The following GRK5 variants were observed in gnomAD, a reference collection of about 807,000 sequenced individuals.
The protein encoded by GRK5 is g protein-coupled receptor kinase GRK5.
GRK5 carries 40 observed loss-of-function variants against 78.4 expected under a neutral mutation model. That is an observed-to-expected ratio of 0.51 (90% CI 0.40 to 0.66). The LOEUF (loss-of-function observed/expected upper bound fraction) is 0.66, where lower values mean the gene tolerates loss of function less well. Among genes scored for constraint, GRK5 ranks in the 30% least tolerant of loss-of-function variants. The probability of loss-of-function intolerance (pLI) is 0.00; values close to 1 mark genes in which losing one functional copy is unlikely to be tolerated. For missense variants in GRK5, 598 were observed against 759.9 expected (o/e 0.79, Z 2.50); for synonymous variants, 289 against 296.8 (o/e 0.97, Z 0.27).
chr10:119,332,281 A>G (rs1850794555), intron 2 of GRK5, among the ~76,000 whole-genome samples: 1 of 151,726 alleles, frequency 6.6e-6, no homozygotes, highest in Admixed American at 6.6e-5. Flanking sequence ...TAATTTTTGT[A>G]TTTTTTGTAG....
chr10:119,288,012 G>A (rs548089899), intron 1 of GRK5, among the ~76,000 whole-genome samples: 8 of 152,216 alleles, frequency 5.3e-5, no homozygotes, highest in African/African-American at 1.4e-4. Context: ...TGGACTGGAC[G>A]GTCCTCACAG....
intron 1 of GRK5, among the ~76,000 whole-genome samples, chr10:119,325,590 G>A (rs1017528219): frequency 6.6e-6 from 1 of 152,198 alleles, no homozygotes; most frequent in African/African-American, 2.4e-5. Flanking sequence ...CACTGTAAGG[G>A]TGGAGAGTGG....
At position 119,394,353 on chromosome 10, in the gene GRK5, G is replaced by C. The variant is rs199740421; in HGVS notation, c.262-2342G>C. 4.7e-4 allele frequency among the ~76,000 whole-genome samples: 27 copies of C among 57,958 alleles called. 1 individual carries two copies. Among genetic ancestry groups the C allele is most frequent in the South Asian group, 6.0e-4 (1 of 1,656 alleles). 38.0% of individuals were successfully genotyped at this position (57,958 alleles called of 152,430 possible). A position where few individuals can be genotyped will look rare whatever the true frequency, so the allele number is the denominator to read the frequency against. On this transcript the variant is annotated intron_variant, in intron 3 of 15. Coordinates refer to ENST00000392870, the MANE Select transcript of GRK5 (RefSeq NM_005308.3). ...CTGTGTGTCTGTGTGTGGGCATGTG[G>C]GTGTGTGGGTGTGTGTGGGTGTCGG...
chr10:119,388,953 G>A (rs1851842958), intron 3 of GRK5, among the ~76,000 whole-genome samples: 1 of 152,202 alleles, frequency 6.6e-6, no homozygotes, highest in Admixed American at 6.5e-5. Flanking sequence ...CAATCCAAGA[G>A]AACATGGTAG....
chr10:119,364,595 C>A (rs1851415549), intron 2 of GRK5, among the ~76,000 whole-genome samples: 1 of 152,130 alleles, frequency 6.6e-6, no homozygotes, highest in Non-Finnish European at 1.5e-5. Flanking sequence ...CCCAGCTGCC[C>A]ACTTTAGCTG....
rs114462569 is a variant in GRK5 at position 119,262,987 on chromosome 10, C to T, written c.52+55018C>T. ...CAAAGTTGTTGGGAAATATTTCTTACTATATCTCTTGGAGATTCACAATGT... is the reference window on the plus strand; with the variant it reads ...CAAAGTTGTTGGGAAATATTTCTTATTATATCTCTTGGAGATTCACAATGT... On this transcript the variant is annotated intron_variant, in intron 1 of 15. Transcript: ENST00000392870. 3.9e-3 allele frequency among the ~76,000 whole-genome samples: 594 copies of T among 152,254 alleles called. 4 individuals carry two copies. Among genetic ancestry groups the T allele is most frequent in the African/African-American group, 0.014 (573 of 41,552 alleles).
At position 119,207,882 on chromosome 10, in the gene GRK5, C is replaced by G; in HGVS notation, c.-36C>G. ...GGCAGCACCCCAGGCGCTGACAGCC[C>G]CGCCGGCCGGCTCCGTTGCTGACCG... On this transcript the variant is annotated 5_prime_UTR_variant, in exon 1 of 16. Coordinates refer to ENST00000392870, the MANE Select transcript of GRK5 (RefSeq NM_005308.3). 3 of 1,576,874 alleles carry G rather than the reference C, an allele frequency of 1.9e-6. No individual in the cohort carries two copies.
intron 12 of GRK5, 149 bp downstream of exon 12, chr10:119,443,901 A>G (rs992229886): frequency 2.9e-6 from 2 of 694,158 alleles, no homozygotes; most frequent in Non-Finnish European, 2.4e-6. Context: ...GCTAGAGTTG[A>G]GGGCACTCCT....
intron 1 of GRK5, among the ~76,000 whole-genome samples, chr10:119,313,080 GTGGTGGTGA>G (rs1456748830): frequency 1.3e-4 from 20 of 149,128 alleles, no homozygotes; most frequent in South Asian, 4.3e-4. Flanking sequence ...GATGGTGGTG[GTGGTGGTGA>G]TGGTGGTGAT....
At chr10:119,354,084 C>G (rs919659511) in intron 2 of GRK5, among the ~76,000 whole-genome samples, 2 of 151,624 alleles carry the variant, frequency 1.3e-5, no homozygotes, top group Non-Finnish European at 2.9e-5. Flanking sequence ...GTTCTGAATT[C>G]TGAAATACAT....
intron 3 of GRK5, among the ~76,000 whole-genome samples, chr10:119,385,103 C>T (rs548992127): frequency 5.9e-5 from 9 of 151,600 alleles, no homozygotes; most frequent in South Asian, 4.2e-4. Context: ...CACGAGTGTC[C>T]GCAGTTGGAG....
intron 1 of GRK5, among the ~76,000 whole-genome samples, chr10:119,301,095 C>T (rs1345121952): frequency 6.6e-6 from 1 of 151,634 alleles, no homozygotes; most frequent in South Asian, 2.1e-4. Context: ...TAGAGGGAGA[C>T]TCAGTCCCAA....
intron 15 of GRK5, among the ~76,000 whole-genome samples, chr10:119,454,077 C>T (rs1222265886): frequency 2.0e-5 from 3 of 152,344 alleles, no homozygotes; most frequent in Middle Eastern, 3.4e-3. Context: ...CTGCTCCTTC[C>T]TCCTCTCCAC....
intron 9 of GRK5, 83 bp downstream of exon 9, chr10:119,436,924 C>A: frequency 7.6e-7 from 1 of 1,307,578 alleles, no homozygotes; most frequent in Non-Finnish European, 1.0e-6. Context: ...CAGGTGGTTG[C>A]CATCGCTCTG....
intron 2 of GRK5, among the ~76,000 whole-genome samples, chr10:119,346,753 C>T (rs1330291776): frequency 4.6e-5 from 7 of 152,102 alleles, no homozygotes; most frequent in South Asian, 4.1e-4. Context: ...CCCTGCTCAC[C>T]GGGTCCCCCA....
intron 1 of GRK5, among the ~76,000 whole-genome samples, chr10:119,251,036 A>G (rs1849190479): frequency 6.6e-6 from 1 of 152,120 alleles, no homozygotes; most frequent in Non-Finnish European, 1.5e-5. Context: ...CTTGTGCATG[A>G]GGGGAAAATG....
rs1337076106 is a variant in GRK5, at chr10:119,423,412, C to A, written c.440+146C>A. ...AGTTATACCAACTGTTTGTATACTT[C>A]CCACGAAGAGAAAAAGATATCAAGG... On this transcript the variant is annotated intron_variant, in intron 5 of 15. Transcript: ENST00000392870. 4 of 612,336 alleles carry A rather than the reference C, an allele frequency of 6.5e-6. No individual in the cohort carries two copies. In the Admixed American group the frequency reaches 1.1e-4, roughly 18 times the overall value. The allele number at this position is 612,336 out of a possible 1,614,324, so 37.9% of individuals were successfully genotyped here.
intron 2 of GRK5, among the ~76,000 whole-genome samples, chr10:119,362,778 G>T (rs1308657557): frequency 6.6e-6 from 1 of 152,206 alleles, no homozygotes; most frequent in East Asian, 1.9e-4. Context: ...TGAAGATCAG[G>T]TGGGTACATT....
intron 2 of GRK5, among the ~76,000 whole-genome samples, chr10:119,374,573 G>A (rs1464874859): frequency 6.6e-6 from 1 of 152,214 alleles, no homozygotes; most frequent in Non-Finnish European, 1.5e-5. Context: ...TGAGTTGGCT[G>A]TGCCCAGGCC....
Sources: gnomAD v4.1 joint callset for allele counts (sites outside exome capture counted in the v4.1 genomes callset) on GRCh38, gnomAD v4.1.1 for gene constraint, MANE v1.5 for transcripts, NCBI Gene and HGNC (gene_info 2026-07-23, HGNC 2026-07-21) for gene names.